Variants in GPHN observed in about 807,000 individuals in gnomAD.
GPHN encodes gephyrin.
In GPHN, 17 loss-of-function variants were observed where a neutral mutation model predicts 95.5. That is an observed-to-expected ratio of 0.18 (90% CI 0.12 to 0.27). GPHN has a LOEUF of 0.27. Ranked by LOEUF, GPHN falls within the 10% of genes least tolerant of loss-of-function variation. The pLI, the probability that GPHN is intolerant of heterozygous loss-of-function variation, is 1.00. For missense variants in GPHN, 660 were observed against 978.1 expected, an observed-to-expected ratio of 0.67 and a Z score of 4.34; for synonymous variants, 320 against 322.5, an observed-to-expected ratio of 0.99 and a Z score of 0.08.
intron 2 of GPHN, among the ~76,000 whole-genome samples, chr14:66,715,024 A>G (rs1040668438): frequency 5.9e-5 from 9 of 152,140 alleles, no homozygotes; most frequent in South Asian, 4.1e-4. Context: ...CGGTTTCTCT[A>G]TCTTGTGGAA....
At chr14:66,887,431 C>T (rs2064251026) in intron 5 of GPHN, among the ~76,000 whole-genome samples, 1 of 152,038 alleles carries the variant, frequency 6.6e-6, no homozygotes, top group South Asian at 2.1e-4. Flanking sequence ...ACTGAAAATA[C>T]AAAAAATTAG....
At chr14:67,060,828 A>G (rs555329892) in intron 11 of GPHN, among the ~76,000 whole-genome samples, 4 of 152,256 alleles carry the variant, frequency 2.6e-5, no homozygotes, top group Middle Eastern at 3.4e-3. Context: ...TTCAGATACC[A>G]TTTATAAAGT....
intron 8 of GPHN, among the ~76,000 whole-genome samples, chr14:66,936,836 T>C (rs2153570130): frequency 6.6e-6 from 1 of 152,360 alleles, no homozygotes; most frequent in South Asian, 2.1e-4. Context: ...GAGTAGTTGC[T>C]CCTGATCAGG....
chr14:66,953,243 T>G (rs1024954389), intron 8 of GPHN, among the ~76,000 whole-genome samples: 9 of 148,932 alleles, frequency 6.0e-5, no homozygotes, highest in African/African-American at 2.3e-4. Flanking sequence ...CTATCAGAGA[T>G]ATGATTTGCA....
intron 1 of GPHN, among the ~76,000 whole-genome samples, chr14:66,511,461 G>A (rs2058038666): frequency 6.6e-6 from 1 of 152,006 alleles, no homozygotes; most frequent in Non-Finnish European, 1.5e-5. Flanking sequence ...ATTTTACAAA[G>A]ATAGTGGAAA....
intron 1 of GPHN, among the ~76,000 whole-genome samples, chr14:66,529,916 A>C (rs565419959): frequency 6.6e-6 from 1 of 152,276 alleles, no homozygotes; most frequent in African/African-American, 2.4e-5. Context: ...CCCTGCTGGG[A>C]GGCATGGGGG....
chr14:67,724,600 T>C, the GPHN span: 3 of 1,604,216 alleles, frequency 1.9e-6, no homozygotes, highest in African/African-American at 1.3e-5. Context: ...AGGTAAGTGT[T>C]TCCCCTTTAG....
chr14:67,123,190 CCT>C (rs1224740420), intron 17 of GPHN, among the ~76,000 whole-genome samples: 2 of 152,170 alleles, frequency 1.3e-5, no homozygotes, highest in African/African-American at 4.8e-5. Flanking sequence ...CCCATAATCC[CCT>C]TTCTCTCTTA....
chr14:66,983,290 G>A (rs1259950339), intron 9 of GPHN, among the ~76,000 whole-genome samples: 1 of 152,156 alleles, frequency 6.6e-6, no homozygotes, highest in Non-Finnish European at 1.5e-5. Flanking sequence ...TGGATTAGCT[G>A]TGAATTTCTT....
intron 2 of GPHN, among the ~76,000 whole-genome samples, chr14:66,712,704 C>T (rs2069772479): frequency 1.3e-5 from 2 of 152,108 alleles, no homozygotes; most frequent in African/African-American, 2.4e-5. Flanking sequence ...ACTTTTAGTT[C>T]TTTAAGGAAT....
intron 3 of GPHN, among the ~76,000 whole-genome samples, chr14:66,805,423 A>G (rs939352109): frequency 7.9e-5 from 12 of 152,230 alleles, no homozygotes; most frequent in African/African-American, 2.6e-4. Context: ...ATACCCAATC[A>G]TGCCTTCTCA....
intron 2 of GPHN, among the ~76,000 whole-genome samples, chr14:66,686,998 A>C (rs1055327926): frequency 2.6e-5 from 4 of 152,134 alleles, no homozygotes; most frequent in African/African-American, 9.7e-5. Context: ...TTCTGCATCT[A>C]TTGAGATGAT....
At chr14:66,719,424 G>T (rs908619239) in intron 2 of GPHN, among the ~76,000 whole-genome samples, 11 of 152,204 alleles carry the variant, frequency 7.2e-5, no homozygotes, top group Admixed American at 4.6e-4. Context: ...GTGAGGATGT[G>T]TGTTCGGGGG....
At chr14:66,707,062 A>G (rs1446385203) in intron 2 of GPHN, among the ~76,000 whole-genome samples, 3 of 152,100 alleles carry the variant, frequency 2.0e-5, no homozygotes, top group South Asian at 4.1e-4. Flanking sequence ...GAAAAAAAAA[A>G]AAAACAACAT....
intron 4 of GPHN, among the ~76,000 whole-genome samples, chr14:66,834,761 T>C (rs1194603693): frequency 2.0e-5 from 3 of 150,964 alleles, no homozygotes; most frequent in Admixed American, 2.0e-4. Context: ...AGAATGATGC[T>C]GGCCTCATAA....
At chr14:66,977,090 G>A (rs573572007) in intron 9 of GPHN, among the ~76,000 whole-genome samples, 71 of 152,172 alleles carry the variant, frequency 4.7e-4, no homozygotes, top group Middle Eastern at 3.4e-3. Flanking sequence ...CAATAAATTC[G>A]TATAACCTTT....
the GPHN span, chr14:67,390,656 C>T: frequency 1.3e-6 from 2 of 1,593,694 alleles, no homozygotes; most frequent in Non-Finnish European, 1.7e-6. Flanking sequence ...CCAGCATGCG[C>T]ACTCACTTTG....
At chr14:67,671,519 C>CT in the GPHN span, among the ~76,000 whole-genome samples, 1 of 151,806 alleles carries the variant, frequency 6.6e-6, no homozygotes, top group African/African-American at 2.4e-5. Context: ...GAGCAAGACT[C>CT]TATCTCAAAA....
the GPHN span, among the ~76,000 whole-genome samples, chr14:67,365,337 C>G: frequency 6.6e-6 from 1 of 152,130 alleles, no homozygotes; most frequent in Non-Finnish European, 1.5e-5. Flanking sequence ...ATTGGTAGGC[C>G]TGAATATGTT....
Sources: gnomAD v4.1 joint callset for allele counts (sites outside exome capture counted in the v4.1 genomes callset) on GRCh38, gnomAD v4.1.1 for gene constraint, MANE v1.5 for transcripts, NCBI Gene and HGNC (gene_info 2026-07-23, HGNC 2026-07-21) for gene names.